The following KLF17 variants were observed in gnomAD, a reference collection of about 807,000 sequenced individuals.
KLF17 encodes the protein KLF transcription factor 17, also known as Krueppel-like factor 17.
A neutral mutation model predicts 34.2 loss-of-function variants in KLF17; 31 were observed. The ratio of observed to expected loss-of-function variants is 0.91; its 90% CI spans 0.68 to 1.22. The LOEUF (loss-of-function observed/expected upper bound fraction) is 1.22. Ranked by LOEUF, KLF17 falls within the 50% of genes most tolerant of loss-of-function variation. The pLI is 0.00. For synonymous variants in KLF17, 179 were observed against 186.7 expected, an observed-to-expected ratio of 0.96 and a Z score of 0.34; for missense variants, 478 against 505.2, an observed-to-expected ratio of 0.95 and a Z score of 0.52.
the KLF17 span, among the ~76,000 whole-genome samples, chr1:44,071,231 C>G: frequency 1.3e-5 from 2 of 152,212 alleles, no homozygotes; most frequent in East Asian, 3.9e-4. Context: ...CCTTTCCTGA[C>G]TTCCTCAAGG....
chr1:44,127,722 C>CT lies in KLF17; in HGVS notation c.82-1628dup, dbSNP rs1557732142. On this transcript the variant is annotated intron_variant, in intron 1 of 3. Coordinates refer to ENST00000372299, the MANE Select transcript of KLF17 (RefSeq NM_173484.4). ...TTTCTTTCTTTCTTTCTTCTCTTTT[C>CT]TTTCTTTCTTCTCTTTTCTTTCTTC... Among the ~76,000 whole-genome samples the CT allele has an allele frequency of 5.9e-4, 67 of 113,520 alleles. 1 individual carries two copies. Among genetic ancestry groups the CT allele is most frequent in the African/African-American group, 2.4e-3 (62 of 25,822 alleles). The allele number at this position is 113,520 out of a possible 152,430, so 74.5% of individuals were successfully genotyped here.
the KLF17 span, among the ~76,000 whole-genome samples, chr1:44,073,949 CTT>C: frequency 6.6e-6 from 1 of 152,084 alleles, no homozygotes; most frequent in Admixed American, 6.5e-5. Flanking sequence ...AGGGAAGAGA[CTT>C]AGTCTTATTT....
At chr1:44,129,209 C>T (rs1389516521) in intron 1 of KLF17, 144 bp from the exon 2 acceptor site, 34 of 1,003,548 alleles carry the variant, frequency 3.4e-5, no homozygotes, top group Non-Finnish European at 4.6e-5. Context: ...TTAGAAAGCC[C>T]AAGCTGGGAA....
the KLF17 span, among the ~76,000 whole-genome samples, chr1:44,074,520 C>A: frequency 6.6e-6 from 1 of 152,192 alleles, no homozygotes; most frequent in Admixed American, 6.6e-5. Flanking sequence ...AGACAGACAG[C>A]TTTGCACTGT....
the KLF17 span, among the ~76,000 whole-genome samples, chr1:44,102,052 A>AACAAACAG: frequency 6.6e-6 from 1 of 152,088 alleles, no homozygotes; most frequent in Non-Finnish European, 1.5e-5. Context: ...CTCAAAAACA[A>AACAAACAG]ACAAACAAAC....
rs2088144717 is a variant in KLF17, at chr1:44,134,264, C to CCCAA, written c.*1027_*1028insCCAA. On this transcript the variant is annotated 3_prime_UTR_variant, in exon 4 of 4. Coordinates refer to ENST00000372299, the MANE Select transcript of KLF17 (RefSeq NM_173484.4). ...ACACAAATTGGGCCCGGCGCGATGG[C>CCCAA]TCACGCCTGTAATCCCAGCACTTTT... The CCCAA allele has an allele frequency of 6.6e-6, 1 of 152,298 alleles. No individual in the cohort carries two copies. The highest frequency in any genetic ancestry group is 1.5e-5 in the Non-Finnish European group (1 of 68,100). 9.4% of individuals were successfully genotyped at this position (152,298 alleles called of 1,614,324 possible). A position where few individuals can be genotyped will look rare whatever the true frequency, so the allele number is the denominator to read the frequency against.
chr1:44,087,751 TATATATATATATATATATAC>T, the KLF17 span, among the ~76,000 whole-genome samples: 2,085 of 68,972 alleles, frequency 0.03, 21 homozygotes, highest in Non-Finnish European at 0.038. Context: ...TATATATATA[TATATATATATATATATATAC>T]ACACACACAC....
At chr1:44,087,779 C>T in the KLF17 span, among the ~76,000 whole-genome samples, 2 of 134,624 alleles carry the variant, frequency 1.5e-5, no homozygotes, top group African/African-American at 3.0e-5. Context: ...TACACACACA[C>T]ACACACACAC....
the KLF17 span, chr1:44,046,082 A>T: frequency 1.3e-5 from 2 of 151,286 alleles, no homozygotes; most frequent in African/African-American, 2.4e-5. Flanking sequence ...AAAATAAAAC[A>T]GATGTCAGCC....
chr1:44,046,130 A>ATAG, the KLF17 span: 1 of 4,790 alleles, frequency 2.1e-4, no homozygotes, highest in Non-Finnish European at 5.8e-4. Flanking sequence ...TTGGTAAAGG[A>ATAG]TAATAATAAT....
At chr1:44,049,033 T>C in the KLF17 span, among the ~76,000 whole-genome samples, 12 of 152,210 alleles carry the variant, frequency 7.9e-5, no homozygotes, top group Admixed American at 5.2e-4. Flanking sequence ...AACAGACATT[T>C]ATTTCTCACA....
chr1:44,127,849 A>G (rs1229140578), intron 1 of KLF17, among the ~76,000 whole-genome samples: 3 of 74,450 alleles, frequency 4.0e-5, no homozygotes, highest in Non-Finnish European at 8.5e-5. Context: ...CTTGATTTGT[A>G]GCAACAATTT....
chr1:44,118,955 G>A lies in KLF17; in HGVS notation c.48G>A (p.Leu16=), dbSNP rs2087912667. 1 of 1,611,728 alleles carries A rather than the reference G, an allele frequency of 6.2e-7. No homozygotes were observed. Among genetic ancestry groups the A allele is most frequent in the South Asian group, 1.1e-5 (1 of 90,700 alleles). The change falls in exon 1 of 4, where the codon CTG becomes CTA. Residue 16 remains leucine (L), a synonymous_variant. Coordinates refer to ENST00000372299, the MANE Select transcript of KLF17 (RefSeq NM_173484.4). ...QAEMEQEAGE[L]SRWQAAHQAA... ...AGATGGAACAGGAGGCTGGGGAGCT[G>A]AGCCGGTGGCAGGCGGCGCACCAGG...
At chr1:44,122,617 T>TA in intron 1 of KLF17, 2 of 669,246 alleles carry the variant, frequency 3.0e-6, no homozygotes, top group East Asian at 2.7e-5. Context: ...TTTTTTGAGA[T>TA]AGAGTCTCAC....
At chr1:44,124,494 A>AT (rs1156551487) in intron 1 of KLF17, among the ~76,000 whole-genome samples, 3 of 76,974 alleles carry the variant, frequency 3.9e-5, no homozygotes, top group African/African-American at 7.9e-5. Flanking sequence ...ACACTTGGCT[A>AT]ATTTTTTTTT....
chr1:44,085,178 A>T, the KLF17 span, among the ~76,000 whole-genome samples: 1 of 152,078 alleles, frequency 6.6e-6, no homozygotes, highest in East Asian at 1.9e-4. Context: ...GCTGGAGATA[A>T]AGTGACTAAA....
At chr1:44,099,587 T>A in the KLF17 span, among the ~76,000 whole-genome samples, 1 of 148,486 alleles carries the variant, frequency 6.7e-6, no homozygotes, top group Non-Finnish European at 1.5e-5. Context: ...GGCGGGTGAA[T>A]CAGGATTCAG....
At chr1:44,127,698 T>TTC (rs1158647965) in intron 1 of KLF17, among the ~76,000 whole-genome samples, 2 of 137,658 alleles carry the variant, frequency 1.5e-5, no homozygotes, top group African/African-American at 5.8e-5. Context: ...TTCTTTTTCT[T>TTC]TCTTTCTTTC....
At chr1:44,070,355 G>A in the KLF17 span, among the ~76,000 whole-genome samples, 2 of 151,872 alleles carry the variant, frequency 1.3e-5, no homozygotes, top group African/African-American at 2.4e-5. Flanking sequence ...CCACCCTCTC[G>A]CCCTTCCGAA....
Sources: allele counts gnomAD v4.1 joint callset (sites outside exome capture counted in the v4.1 genomes callset), GRCh38; gene constraint gnomAD v4.1.1; transcripts MANE v1.5; gene names NCBI Gene and HGNC (gene_info 2026-07-23, HGNC 2026-07-21).